CMKLR2: variants seen among roughly 807,000 people sequenced by gnomAD.
CMKLR2 encodes chemerin-like receptor 2.
A neutral mutation model predicts 23.0 loss-of-function variants in CMKLR2; 18 were observed. That is an observed-to-expected ratio of 0.78 (90% confidence interval 0.54 to 1.16). CMKLR2 has a LOEUF of 1.16. CMKLR2 is among the 50% of genes most tolerant of loss of function. The pLI, the probability that CMKLR2 is intolerant of heterozygous loss-of-function variation, is 0.00. For missense variants in CMKLR2, 401 were observed against 412.7 expected, an observed-to-expected ratio of 0.97 and a Z score of 0.25; for synonymous variants, 158 against 158.9, an observed-to-expected ratio of 0.99 and a Z score of 0.05.
intron 1 of CMKLR2, among the ~76,000 whole-genome samples, chr2:206,184,053 T>C (rs1688496785): frequency 6.6e-6 from 1 of 152,222 alleles, no homozygotes; most frequent in African/African-American, 2.4e-5. Flanking sequence ...AGGGCTGTCC[T>C]GGAACATCTT....
Position 206,178,645 on chromosome 2 carries a change from T to TTTTG in CMKLR2, c.-28-1374_-28-1371dup, listed in dbSNP as rs1243931860. Among the ~76,000 whole-genome samples, 66 of 152,150 alleles carry TTTTG rather than the reference T, an allele frequency of 4.3e-4. 2 individuals carry two copies. The highest frequency in any genetic ancestry group is 3.4e-3 in the Middle Eastern group (1 of 294). On this transcript the variant is annotated intron_variant, in intron 1 of 1. Transcript: ENST00000621141. The stretch of plus-strand genomic sequence containing the variant: ...TTTTTGAGACAGCCTTCTATTTTTG[T>TTTTG]TTTGTTTGTTTGTTTGTTTGTTTTT...
intron 1 of CMKLR2, among the ~76,000 whole-genome samples, chr2:206,205,807 C>T (rs1480283936): frequency 6.6e-6 from 1 of 152,064 alleles, no homozygotes; most frequent in Admixed American, 6.6e-5. Flanking sequence ...TCAAGCGATT[C>T]TCCTGCCTCA....
intron 1 of CMKLR2, among the ~76,000 whole-genome samples, chr2:206,179,309 C>T (rs192129454): frequency 3.3e-4 from 49 of 149,336 alleles, no homozygotes; most frequent in African/African-American, 1.0e-3. Context: ...TCCCGACTTC[C>T]GGTGATTCGC....
chr2:206,178,751 C>T (rs1255771640), intron 1 of CMKLR2, among the ~76,000 whole-genome samples: 1 of 151,996 alleles, frequency 6.6e-6, no homozygotes, highest in Non-Finnish European at 1.5e-5. Flanking sequence ...TGGGCTCAAG[C>T]AATTCTCCTG....
intron 1 of CMKLR2, among the ~76,000 whole-genome samples, chr2:206,187,968 G>A (rs566772884): frequency 1.3e-5 from 2 of 152,078 alleles, no homozygotes; most frequent in South Asian, 2.1e-4. Flanking sequence ...CGCAATCTTG[G>A]GTCACTGCAA....
intron 1 of CMKLR2, among the ~76,000 whole-genome samples, chr2:206,198,915 T>C (rs911837666): frequency 8.5e-5 from 13 of 152,234 alleles, no homozygotes; most frequent in African/African-American, 3.1e-4. Flanking sequence ...TCATAAAATG[T>C]AACATCTGTG....
chr2:206,191,494 A>G (rs1688745175), intron 1 of CMKLR2, among the ~76,000 whole-genome samples: 1 of 152,150 alleles, frequency 6.6e-6, no homozygotes, highest in Admixed American at 6.6e-5. Context: ...ACTTTGTTAA[A>G]AAAAATACTG....
chr2:206,175,939 T>C lies in CMKLR2; in HGVS notation c.*241A>G. ...TCATTTAAGTTGCAGAAAAAAATTA[T>C]GCGGATCCTTCCTAAGTATTTTCAG... On this transcript the variant is annotated 3_prime_UTR_variant, in exon 2 of 2. Coordinates refer to ENST00000621141, the MANE Select transcript of CMKLR2 (RefSeq NM_001389445.1). The C allele has an allele frequency of 2.7e-6, 1 of 367,768 alleles. No homozygotes were observed. Among genetic ancestry groups the C allele is most frequent in the Non-Finnish European group, 4.8e-6 (1 of 206,730 alleles). 22.8% of individuals were successfully genotyped at this position (367,768 alleles called of 1,614,324 possible). A position where few individuals can be genotyped will look rare whatever the true frequency, so the allele number is the denominator to read the frequency against.
At chr2:206,209,854 T>C (rs1205210169) in intron 1 of CMKLR2, among the ~76,000 whole-genome samples, 1 of 151,740 alleles carries the variant, frequency 6.6e-6, no homozygotes, top group Non-Finnish European at 1.5e-5. Context: ...TTCACTGTGT[T>C]AGCCAGGATG....
Position 206,192,518 on chromosome 2 carries a change from C to A in CMKLR2, c.-28-15243G>T, listed in dbSNP as rs532424727. ...AGGGCTTCAAGACCATAGTGAGAAC[C>A]CTGTCTCTTAAACAACAACAACAAA... On this transcript the variant is annotated intron_variant, in intron 1 of 1. Coordinates refer to ENST00000621141, the MANE Select transcript of CMKLR2 (RefSeq NM_001389445.1). Among the ~76,000 whole-genome samples the A allele has an allele frequency of 2.8e-3, 424 of 151,646 alleles. 2 individuals are homozygous for A. Among genetic ancestry groups the A allele is most frequent in the Non-Finnish European group, 5.2e-3 (351 of 67,902 alleles).
chr2:206,177,484 G>A (rs1025248013), intron 1 of CMKLR2, among the ~76,000 whole-genome samples: 3 of 151,966 alleles, frequency 2.0e-5, no homozygotes, highest in Non-Finnish European at 4.4e-5. Flanking sequence ...GACCTCCTAG[G>A]CTCAAGTGCC....
chr2:206,214,552 A>G (rs1051241150), upstream of CMKLR2, among the ~76,000 whole-genome samples: 12 of 152,104 alleles, frequency 7.9e-5, no homozygotes, highest in African/African-American at 2.9e-4. Context: ...ATGGAGCTTG[A>G]AGGTAGGCAT....
chr2:206,201,574 AACAACC>A (rs1689097983), intron 1 of CMKLR2, among the ~76,000 whole-genome samples: 1 of 152,152 alleles, frequency 6.6e-6, no homozygotes, highest in African/African-American at 2.4e-5. Flanking sequence ...CTGTGATTTA[AACAACC>A]TAAATTTCTG....
At chr2:206,201,501 A>G (rs1280065307) in intron 1 of CMKLR2, among the ~76,000 whole-genome samples, 1 of 152,200 alleles carries the variant, frequency 6.6e-6, no homozygotes, top group Non-Finnish European at 1.5e-5. Context: ...ACCACTTTTC[A>G]TATACATTTC....
intron 1 of CMKLR2, among the ~76,000 whole-genome samples, chr2:206,193,063 T>A (rs1158970088): frequency 6.6e-6 from 1 of 152,132 alleles, no homozygotes; most frequent in African/African-American, 2.4e-5. Flanking sequence ...CTTCTGAATA[T>A]TTTTCGTCTG....
At chr2:206,200,439 AG>A (rs1258114004) in intron 1 of CMKLR2, among the ~76,000 whole-genome samples, 2 of 152,242 alleles carry the variant, frequency 1.3e-5, no homozygotes, top group African/African-American at 2.4e-5. Context: ...AGAAAGAAAA[AG>A]AATGGTGGGT....
chr2:206,198,519 C>A (rs1419444474), intron 1 of CMKLR2, among the ~76,000 whole-genome samples: 1 of 152,164 alleles, frequency 6.6e-6, no homozygotes, highest in East Asian at 1.9e-4. Flanking sequence ...CTCTCCATGC[C>A]TCAAACTAGC....
chr2:206,184,656 T>C (rs1191107321), intron 1 of CMKLR2, among the ~76,000 whole-genome samples: 1 of 151,770 alleles, frequency 6.6e-6, no homozygotes, highest in Non-Finnish European at 1.5e-5. Context: ...TCAACATATC[T>C]TTTTTTTGGT....
At chr2:206,214,205 G>A (rs1424595552), upstream of CMKLR2, among the ~76,000 whole-genome samples, 1 of 104,346 alleles carries the variant, frequency 9.6e-6, no homozygotes, top group Non-Finnish European at 1.9e-5. Context: ...ACGGAGTCTC[G>A]CTGTTGCCCA....
Sources: allele counts gnomAD v4.1 joint callset (sites outside exome capture counted in the v4.1 genomes callset), GRCh38; gene constraint gnomAD v4.1.1; transcripts MANE v1.5; gene names NCBI Gene and HGNC (gene_info 2026-07-23, HGNC 2026-07-21).